Variants in GOLM2 observed in about 807,000 individuals in gnomAD.
The protein encoded by GOLM2 is golgi membrane protein 2.
GOLM2 carries 26 observed loss-of-function variants against 55.9 expected under a neutral mutation model. The observed-to-expected ratio is 0.47, with a 90% confidence interval of 0.34 to 0.65. GOLM2 has a LOEUF of 0.65. GOLM2 is among the 30% of genes least tolerant of loss of function. The pLI is 0.01. For synonymous variants in GOLM2, 165 were observed against 194.6 expected (o/e 0.85, Z 1.27); for missense variants, 486 against 531.8 (o/e 0.91, Z 0.85).
Position 44,414,861 on chromosome 15 carries a change from T to C in GOLM2, c.*1455T>C, listed in dbSNP as rs1449276170. 2 of 152,676 alleles carry C rather than the reference T, an allele frequency of 1.3e-5. No individual in the cohort carries two copies. The highest frequency in any genetic ancestry group is 3.8e-4 in the East Asian group (2 of 5,206). The allele number at this position is 152,676 out of a possible 1,614,324, so 9.5% of individuals were successfully genotyped here. A position where few individuals can be genotyped will look rare whatever the true frequency, so the allele number is the denominator to read the frequency against. On this transcript the variant is annotated 3_prime_UTR_variant, in exon 10 of 10. Coordinates refer to ENST00000299957, the MANE Select transcript of GOLM2 (RefSeq NM_138423.4). ...TAAATGCATTTATCTTTTTTGACAC[T>C]ATTCAGTGGAATGTGTAAGCTAGCT...
chr15:44,391,404 C>A (rs542713000), intron 8 of GOLM2, among the ~76,000 whole-genome samples: 397 of 151,766 alleles, frequency 2.6e-3, no homozygotes, highest in Non-Finnish European at 4.7e-3. Context: ...GTAGTCCCAG[C>A]TACTTGGGAG....
intron 1 of GOLM2, among the ~76,000 whole-genome samples, chr15:44,306,724 G>A (rs1287924505): frequency 6.6e-6 from 1 of 152,188 alleles, no homozygotes; most frequent in South Asian, 2.1e-4. Flanking sequence ...AGAGGTCATT[G>A]TAGTATCGTT....
intron 6 of GOLM2, among the ~76,000 whole-genome samples, chr15:44,340,752 T>G (rs1175563049): frequency 1.3e-5 from 2 of 152,220 alleles, no homozygotes; most frequent in Non-Finnish European, 2.9e-5. Context: ...AACCACTGAC[T>G]TAGATGTTAA....
chr15:44,336,363 C>A (rs544602488), intron 4 of GOLM2, among the ~76,000 whole-genome samples: 1 of 151,602 alleles, frequency 6.6e-6, no homozygotes, highest in African/African-American at 2.4e-5. Context: ...GTGATCCGCC[C>A]ACCTCGGCCT....
At chr15:44,369,070 T>C (rs1333379394) in intron 6 of GOLM2, among the ~76,000 whole-genome samples, 44 of 16,952 alleles carry the variant, frequency 2.6e-3, no homozygotes, top group Non-Finnish European at 3.4e-3. Context: ...GGATATATTA[T>C]ATATATATAT....
At position 44,326,643 on chromosome 15, in the gene GOLM2, TTTTA is replaced by T. The variant is rs2078982848; in HGVS notation, c.383-2036_383-2033del. On this transcript the variant is annotated intron_variant, in intron 2 of 9. Transcript: ENST00000299957. ...AAACATCTGCTTTTTATTTTTATTT[TTTTA>T]TTTATAGTTTTTTTTTTTTTTTGAG... 2.6e-5 allele frequency among the ~76,000 whole-genome samples: 4 copies of T among 151,136 alleles called. No individual in the cohort carries two copies. In the South Asian group the frequency reaches 8.3e-4, roughly 31 times the overall value.
chr15:44,373,837 A>G (rs1335319159), intron 6 of GOLM2, among the ~76,000 whole-genome samples: 1 of 151,578 alleles, frequency 6.6e-6, no homozygotes, highest in Non-Finnish European at 1.5e-5. Context: ...GCGATGGCTC[A>G]CACCTATAAT....
intron 2 of GOLM2, among the ~76,000 whole-genome samples, chr15:44,325,373 C>G (rs774380630): frequency 7.2e-5 from 11 of 152,070 alleles, no homozygotes; most frequent in Non-Finnish European, 1.6e-4. Context: ...CTTTTATCTT[C>G]AATTACAAAG....
intron 6 of GOLM2, among the ~76,000 whole-genome samples, chr15:44,374,918 A>G (rs1030578859): frequency 1.3e-5 from 2 of 152,260 alleles, no homozygotes; most frequent in African/African-American, 4.8e-5. Flanking sequence ...TGATAGCAGC[A>G]TGATATTCCC....
intron 1 of GOLM2, among the ~76,000 whole-genome samples, chr15:44,296,340 C>T (rs913403240): frequency 9.9e-5 from 15 of 151,962 alleles, no homozygotes; most frequent in African/African-American, 2.9e-4. Context: ...TCAAAATTGT[C>T]GTTTTATTAC....
intron 8 of GOLM2, among the ~76,000 whole-genome samples, chr15:44,384,135 A>T (rs553870445): frequency 3.9e-4 from 60 of 152,214 alleles, no homozygotes; most frequent in Non-Finnish European, 4.4e-4. Context: ...ATTCACCAAA[A>T]TGTACAATTC....
intron 9 of GOLM2, among the ~76,000 whole-genome samples, chr15:44,407,617 A>T (rs1026215504): frequency 8.6e-5 from 13 of 150,726 alleles, no homozygotes; most frequent in South Asian, 4.2e-4. Flanking sequence ...TTTTTTTTAA[A>T]TTTTTTTTAT....
chr15:44,297,176 T>G (rs2078762112), intron 1 of GOLM2, among the ~76,000 whole-genome samples: 1 of 152,176 alleles, frequency 6.6e-6, no homozygotes, highest in East Asian at 1.9e-4. Context: ...AAAAAAAACG[T>G]CATTCTGACT....
rs192070319 is a variant in GOLM2 at position 44,359,627 on chromosome 15, T to C, written c.803-20063T>C. ...AAACAAACAAACAAGCAAAACACTC[T>C]GCAGGATATTATCCAGGAGAACTTC... On this transcript the variant is annotated intron_variant, in intron 6 of 9. Transcript: ENST00000299957. 4.2e-3 allele frequency among the ~76,000 whole-genome samples: 634 copies of C among 152,256 alleles called. 20 individuals carry two copies. Among genetic ancestry groups the C allele is most frequent in the Non-Finnish European group, 7.5e-4 (51 of 67,996 alleles).
chr15:44,400,608 G>C (rs578028969), intron 8 of GOLM2, among the ~76,000 whole-genome samples: 7 of 81,210 alleles, frequency 8.6e-5, no homozygotes, highest in African/African-American at 3.5e-4. Context: ...TTTTAGTCTT[G>C]CTCTGTCACC....
chr15:44,402,912 C>G lies in GOLM2; in HGVS notation c.1098C>G (p.Ser366=). The part of the protein sequence containing the change: ...KQSRFFDENE[S]PVDPQHGSKL... ...GCCGATTCTTTGATGAAAATGAATC[C>G]CCTGTTGATCCGCAGCATGGCTCTA... The change falls in exon 9 of 10, where the codon TCC becomes TCG. Residue 366 remains serine (S), a synonymous_variant. Transcript: ENST00000299957. The G allele has an allele frequency of 5.6e-6, 9 of 1,613,890 alleles. No individual in the cohort carries two copies. The highest frequency in any genetic ancestry group is 7.6e-6 in the Non-Finnish European group (9 of 1,179,980).
At chr15:44,377,256 C>T (rs2079370639) in intron 6 of GOLM2, among the ~76,000 whole-genome samples, 1 of 152,148 alleles carries the variant, frequency 6.6e-6, no homozygotes, top group African/African-American at 2.4e-5. Context: ...CCTGTGGTCC[C>T]AGCTACTTGG....
chr15:44,392,923 A>AT (rs2079501118), intron 8 of GOLM2, among the ~76,000 whole-genome samples: 1 of 152,212 alleles, frequency 6.6e-6, no homozygotes, highest in Admixed American at 6.5e-5. Context: ...CCTATGACAA[A>AT]TATCAAATTT....
chr15:44,383,872 T>C (rs1286126060), intron 8 of GOLM2, among the ~76,000 whole-genome samples: 3 of 151,874 alleles, frequency 2.0e-5, no homozygotes, highest in Non-Finnish European at 4.4e-5. Context: ...AAAAATGAGG[T>C]CTCGTTCTGT....
Sources: gnomAD v4.1 joint callset for allele counts (sites outside exome capture counted in the v4.1 genomes callset) on GRCh38, gnomAD v4.1.1 for gene constraint, MANE v1.5 for transcripts, NCBI Gene and HGNC (gene_info 2026-07-23, HGNC 2026-07-21) for gene names.